Variants in WWOX observed in about 807,000 individuals in gnomAD.
WWOX encodes WW domain containing oxidoreductase.
WWOX carries 69 observed loss-of-function variants against 46.2 expected under a neutral mutation model. The observed-to-expected ratio is 1.49, with a 90% CI of 1.23 to 1.82. The LOEUF (loss-of-function observed/expected upper bound fraction) is 1.82. WWOX is among the 40% of genes most tolerant of loss of function. WWOX has a pLI of 0.00. For missense variants in WWOX, 919 were observed against 542.6 expected (o/e 1.69, Z -6.89); for synonymous variants, 359 against 202.6 (o/e 1.77, Z -6.56).
intron 8 of WWOX, among the ~76,000 whole-genome samples, chr16:78,703,946 C>G (rs1273082368): frequency 6.6e-6 from 1 of 151,978 alleles, no homozygotes; most frequent in African/African-American, 2.4e-5. Context: ...AAGATTTATA[C>G]CATAATATTT....
At chr16:78,501,629 T>G (rs1284165138) in intron 8 of WWOX, among the ~76,000 whole-genome samples, 1 of 151,876 alleles carries the variant, frequency 6.6e-6, no homozygotes, top group Non-Finnish European at 1.5e-5. Context: ...CTCTGTCTCC[T>G]GGCTTCACGC....
intron 8 of WWOX, among the ~76,000 whole-genome samples, chr16:78,549,501 T>C (rs1265230079): frequency 6.6e-6 from 1 of 152,178 alleles, no homozygotes; most frequent in Non-Finnish European, 1.5e-5. Context: ...GATCGACCAT[T>C]AATCATGCTA....
At chr16:78,258,355 C>T (rs2038185192) in intron 5 of WWOX, among the ~76,000 whole-genome samples, 1 of 152,138 alleles carries the variant, frequency 6.6e-6, no homozygotes, top group Admixed American at 6.5e-5. Context: ...TGTAGTTTCA[C>T]TGGAAGATTT....
chr16:78,252,305 C>G (rs1265417560), intron 5 of WWOX, among the ~76,000 whole-genome samples: 1 of 152,164 alleles, frequency 6.6e-6, no homozygotes, highest in African/African-American at 2.4e-5. Flanking sequence ...TGTGCATACA[C>G]ATACATTGTT....
intron 8 of WWOX, among the ~76,000 whole-genome samples, chr16:79,148,258 T>G (rs925567254): frequency 1.3e-5 from 2 of 152,206 alleles, no homozygotes; most frequent in Non-Finnish European, 2.9e-5. Context: ...GTATAAGATG[T>G]GAGGTTAAGG....
chr16:78,568,671 C>T (rs150378271), intron 8 of WWOX, among the ~76,000 whole-genome samples: 6 of 151,880 alleles, frequency 4.0e-5, no homozygotes, highest in Non-Finnish European at 5.9e-5. Context: ...GGTGGGGTTT[C>T]GCCATGTTGG....
intron 4 of WWOX, among the ~76,000 whole-genome samples, chr16:78,152,740 C>G (rs540929553): frequency 6.6e-6 from 1 of 152,326 alleles, no homozygotes; most frequent in South Asian, 2.1e-4. Flanking sequence ...TGGGGTCAGT[C>G]TTGCCTCTCG....
chr16:79,194,499 G>A (rs1322466542), intron 8 of WWOX, among the ~76,000 whole-genome samples: 1 of 152,170 alleles, frequency 6.6e-6, no homozygotes, highest in Non-Finnish European at 1.5e-5. Context: ...GCTGAACTTT[G>A]TAAGGACACA....
intron 7 of WWOX, among the ~76,000 whole-genome samples, chr16:78,430,320 T>G (rs118121021): frequency 0.018 from 2,774 of 152,208 alleles, 33 homozygotes; most frequent in Middle Eastern, 0.068. Flanking sequence ...AGTGTGAGAT[T>G]TGGGTGGGGA....
At chr16:78,828,688 A>C (rs973663196) in intron 8 of WWOX, among the ~76,000 whole-genome samples, 179 of 152,282 alleles carry the variant, frequency 1.2e-3, no homozygotes, top group African/African-American at 4.1e-3. Context: ...TGTGTGTGCC[A>C]ATTATGTGCA....
intron 8 of WWOX, among the ~76,000 whole-genome samples, chr16:78,472,460 T>A (rs550606440): frequency 6.3e-4 from 96 of 152,304 alleles, no homozygotes; most frequent in African/African-American, 2.1e-3. Flanking sequence ...TTTCTCTTGC[T>A]TTTCTCTAAA....
intron 8 of WWOX, among the ~76,000 whole-genome samples, chr16:78,798,286 G>A (rs1358974061): frequency 6.6e-6 from 1 of 151,888 alleles, no homozygotes; most frequent in Admixed American, 6.6e-5. Flanking sequence ...TAGAAGTCAG[G>A]CTCAGATTGA....
intron 8 of WWOX, among the ~76,000 whole-genome samples, chr16:79,122,458 T>C (rs941572372): frequency 1.6e-4 from 24 of 152,106 alleles, no homozygotes; most frequent in Non-Finnish European, 3.2e-4. Flanking sequence ...TTCTTTTTCT[T>C]CTTTTTCTGT....
intron 8 of WWOX, among the ~76,000 whole-genome samples, chr16:79,201,413 G>C (rs1226777893): frequency 3.3e-5 from 5 of 150,940 alleles, no homozygotes; most frequent in South Asian, 4.2e-4. Flanking sequence ...TGCTTTGCAA[G>C]AGAGTTGGAT....
chr16:78,323,540 G>C (rs2080538028), intron 5 of WWOX, among the ~76,000 whole-genome samples: 1 of 152,078 alleles, frequency 6.6e-6, no homozygotes, highest in African/African-American at 2.4e-5. Flanking sequence ...TAGGTTACTG[G>C]GTTTGAACAT....
At chr16:78,213,615 G>A (rs1027383103) in intron 5 of WWOX, among the ~76,000 whole-genome samples, 1 of 151,744 alleles carries the variant, frequency 6.6e-6, no homozygotes, top group Non-Finnish European at 1.5e-5. Context: ...GGGTGGAAAA[G>A]AACTTACAGA....
chr16:78,652,739 G>GA lies in WWOX; in HGVS notation c.1056+219988dup, dbSNP rs552012647. ...TCTTTTCAGATTTAGGTTCTTCTGT[G>GA]ATAAAAATAGACTTGGTAAAGAAGC... On this transcript the variant is annotated intron_variant, in intron 8 of 8. Coordinates refer to ENST00000566780, the MANE Select transcript of WWOX (RefSeq NM_016373.4). 2.8e-3 allele frequency among the ~76,000 whole-genome samples: 421 copies of GA among 152,218 alleles called. 4 individuals carry two copies. The highest frequency in any genetic ancestry group is 9.6e-3 in the African/African-American group (397 of 41,522).
chr16:78,907,436 G>C (rs1303242927), intron 8 of WWOX, among the ~76,000 whole-genome samples: 1 of 152,176 alleles, frequency 6.6e-6, no homozygotes, highest in African/African-American at 2.4e-5. Flanking sequence ...GCAGAATTCA[G>C]GCTCCTGTCC....
intron 5 of WWOX, among the ~76,000 whole-genome samples, chr16:78,302,474 C>A (rs2080058469): frequency 6.6e-6 from 1 of 152,194 alleles, no homozygotes; most frequent in Non-Finnish European, 1.5e-5. Context: ...GACCATTCCA[C>A]TGCCTCAGGA....
Sources: gnomAD v4.1 joint callset for allele counts (sites outside exome capture counted in the v4.1 genomes callset) on GRCh38, gnomAD v4.1.1 for gene constraint, MANE v1.5 for transcripts, NCBI Gene and HGNC (gene_info 2026-07-23, HGNC 2026-07-21) for gene names.